SYT9: variants seen among roughly 807,000 people sequenced by gnomAD.
SYT9 encodes the protein synaptotagmin 9, also known as synaptotagmin-9.
Under a neutral mutation model 48.4 loss-of-function variants are expected in SYT9, and 22 were observed. The ratio of observed to expected loss-of-function variants is 0.45; its 90% CI spans 0.32 to 0.65. SYT9 has a LOEUF of 0.65. SYT9 is among the 30% of genes least tolerant of loss of function. The pLI, the probability that SYT9 is intolerant of heterozygous loss-of-function variation, is 0.03. For missense variants in SYT9, 577 were observed against 622.0 expected (o/e 0.93, Z 0.77); for synonymous variants, 265 against 245.0 (o/e 1.08, Z -0.76).
chr11:7,451,037 T>G (rs1305359791), intron 6 of SYT9, among the ~76,000 whole-genome samples: 1 of 152,244 alleles, frequency 6.6e-6, no homozygotes, highest in African/African-American at 2.4e-5. Flanking sequence ...GTTTCCATCC[T>G]GCTGGCACCG....
At chr11:7,447,036 T>C (rs1321913184) in intron 6 of SYT9, among the ~76,000 whole-genome samples, 1 of 152,228 alleles carries the variant, frequency 6.6e-6, no homozygotes, top group South Asian at 2.1e-4. Flanking sequence ...AACATGGAAG[T>C]GTGTGTGTCT....
intron 6 of SYT9, among the ~76,000 whole-genome samples, chr11:7,455,013 G>T (rs1848122612): frequency 6.6e-6 from 1 of 152,136 alleles, no homozygotes; most frequent in Non-Finnish European, 1.5e-5. Context: ...CAGCTAATAG[G>T]TTTTATTTGT....
chr11:7,271,866 G>T (rs930665890), intron 1 of SYT9, among the ~76,000 whole-genome samples: 1 of 152,078 alleles, frequency 6.6e-6, no homozygotes, highest in African/African-American at 2.4e-5. Context: ...ATGAGCCACC[G>T]CACCTGGCCT....
chr11:7,430,115 A>G (rs1340906045), intron 6 of SYT9, among the ~76,000 whole-genome samples: 1 of 152,188 alleles, frequency 6.6e-6, no homozygotes, highest in Non-Finnish European at 1.5e-5. Context: ...TAACACAATA[A>G]TTTTAGCAAT....
At chr11:7,392,145 A>T (rs1209140862) in intron 3 of SYT9, among the ~76,000 whole-genome samples, 2 of 151,854 alleles carry the variant, frequency 1.3e-5, no homozygotes, top group Non-Finnish European at 2.9e-5. Flanking sequence ...CTTTTCTTGC[A>T]ATTGCTTTTG....
chr11:7,336,917 T>G (rs2133985105), intron 3 of SYT9, among the ~76,000 whole-genome samples: 1 of 152,338 alleles, frequency 6.6e-6, no homozygotes, highest in South Asian at 2.1e-4. Flanking sequence ...GGAATAGCAT[T>G]GGATCTTTAA....
At chr11:7,275,237 C>T (rs1403268916) in intron 1 of SYT9, among the ~76,000 whole-genome samples, 1 of 152,092 alleles carries the variant, frequency 6.6e-6, no homozygotes, top group Non-Finnish European at 1.5e-5. Context: ...CTCCCCTCTC[C>T]AAATGGTGTC....
intron 1 of SYT9, among the ~76,000 whole-genome samples, chr11:7,253,281 A>G (rs112024475): frequency 9.3e-4 from 142 of 152,308 alleles, no homozygotes; most frequent in African/African-American, 3.2e-3. Flanking sequence ...CCAAAACAGC[A>G]TATTGTGGTT....
chr11:7,357,259 A>G (rs1333413604), intron 3 of SYT9, among the ~76,000 whole-genome samples: 1 of 152,192 alleles, frequency 6.6e-6, no homozygotes. Flanking sequence ...CATCTAAAAA[A>G]TAACCCTTTA....
intron 1 of SYT9, among the ~76,000 whole-genome samples, chr11:7,294,068 C>G (rs1564850681): frequency 6.6e-6 from 1 of 152,096 alleles, no homozygotes; most frequent in Non-Finnish European, 1.5e-5. Flanking sequence ...ACCAAGGCAC[C>G]AGCATATTTT....
At chr11:7,342,990 C>G (rs1185144320) in intron 3 of SYT9, among the ~76,000 whole-genome samples, 1 of 152,214 alleles carries the variant, frequency 6.6e-6, no homozygotes, top group African/African-American at 2.4e-5. Flanking sequence ...TGTACCTTGA[C>G]CCCTTTTAGC....
At chr11:7,443,439 T>A (rs1178942173) in intron 6 of SYT9, among the ~76,000 whole-genome samples, 1 of 151,672 alleles carries the variant, frequency 6.6e-6, no homozygotes, top group South Asian at 2.1e-4. Flanking sequence ...TTTTAGGGGG[T>A]AGAAGGAGTG....
intron 3 of SYT9, among the ~76,000 whole-genome samples, chr11:7,334,323 A>G (rs1849596746): frequency 6.6e-6 from 1 of 152,150 alleles, no homozygotes; most frequent in African/African-American, 2.4e-5. Context: ...TTACTTTTTT[A>G]AAAAATCACT....
At chr11:7,276,647 C>T (rs1197285700) in intron 1 of SYT9, among the ~76,000 whole-genome samples, 3 of 152,166 alleles carry the variant, frequency 2.0e-5, no homozygotes, top group Admixed American at 2.0e-4. Context: ...TCTGCCTTCC[C>T]CCTCCTGGTG....
chr11:7,367,012 G>A (rs938179444), intron 3 of SYT9, among the ~76,000 whole-genome samples: 4 of 148,916 alleles, frequency 2.7e-5, no homozygotes, highest in South Asian at 2.1e-4. Flanking sequence ...TGGTGTATAC[G>A]AAGGTATAAA....
rs1372534762 is a variant in SYT9, at chr11:7,252,645, T to C, written c.145+314T>C. The stretch of plus-strand genomic sequence containing the variant: ...CCTAGCTCCGAGCTACGCTCTCCAC[T>C]TCCCGGGCTATCTGCACTCAGAGCG... On this transcript the variant is annotated intron_variant, in intron 1 of 6. Transcript: ENST00000318881. This position sits in a 1 kb window ranked among gnomAD's most constrained non-coding sequence, Gnocchi z 6.3. Among the ~76,000 whole-genome samples, 4 of 152,120 alleles carry C rather than the reference T, an allele frequency of 2.6e-5. No individual in the cohort carries two copies. The highest frequency in any genetic ancestry group is 5.9e-5 in the Non-Finnish European group (4 of 67,996).
intron 6 of SYT9, among the ~76,000 whole-genome samples, chr11:7,452,829 C>T (rs1189723992): frequency 2.0e-5 from 3 of 152,096 alleles, no homozygotes; most frequent in Admixed American, 2.0e-4. Flanking sequence ...GTTGCGTAGG[C>T]TGGAGTGCAA....
chr11:7,397,499 T>C (rs1274822363), intron 3 of SYT9, among the ~76,000 whole-genome samples: 1 of 152,166 alleles, frequency 6.6e-6, no homozygotes, highest in Non-Finnish European at 1.5e-5. Flanking sequence ...AGTTTGAATG[T>C]TCTAGGTTCT....
chr11:7,399,269 C>T (rs1301472173), intron 3 of SYT9, among the ~76,000 whole-genome samples: 1 of 152,122 alleles, frequency 6.6e-6, no homozygotes, highest in African/African-American at 2.4e-5. Context: ...TGCTGAAGTT[C>T]TGTGCTGAAA....
Sources: allele counts gnomAD v4.1 joint callset (sites outside exome capture counted in the v4.1 genomes callset), GRCh38; gene constraint gnomAD v4.1.1; non-coding constraint Gnocchi (gnomAD v3.1); transcripts MANE v1.5; gene names NCBI Gene and HGNC (gene_info 2026-07-23, HGNC 2026-07-21).